The following SRGAP3 variants were observed in gnomAD, a reference collection of about 807,000 sequenced individuals.
SRGAP3 encodes the protein SLIT-ROBO Rho GTPase activating protein 3.
In SRGAP3, 39 loss-of-function variants were observed where a neutral mutation model predicts 121.1. The ratio of observed to expected loss-of-function variants is 0.32; its 90% confidence interval spans 0.25 to 0.42. The LOEUF is 0.42. SRGAP3 is among the 10% of genes least tolerant of loss of function. The pLI, the probability that SRGAP3 is intolerant of heterozygous loss-of-function variation, is 1.00. For missense variants in SRGAP3, 1,213 were observed against 1,470.6 expected (o/e 0.82, Z 2.86); for synonymous variants, 601 against 570.0 (o/e 1.05, Z -0.77).
At chr3:9,136,404 C>A (rs866601237) in intron 1 of SRGAP3, among the ~76,000 whole-genome samples, 13 of 127,046 alleles carry the variant, frequency 1.0e-4, no homozygotes, top group Non-Finnish European at 1.8e-4. Flanking sequence ...ACCCCCCCCC[C>A]CCCCGACCGC....
chr3:9,293,646 C>A (rs528798298), intron 3 of SRGAP3, among the ~76,000 whole-genome samples: 173 of 152,066 alleles, frequency 1.1e-3, no homozygotes, highest in Non-Finnish European at 1.9e-3. Context: ...CAAGAAAAAA[C>A]AAACAACCCC....
At chr3:9,302,062 T>C (rs776052253) in intron 3 of SRGAP3, among the ~76,000 whole-genome samples, 18 of 152,340 alleles carry the variant, frequency 1.2e-4, no homozygotes, top group Admixed American at 5.2e-4. Context: ...GTGCTTATCA[T>C]GTGCTTACAA....
At chr3:9,012,880 G>A (rs763902929) in intron 17 of SRGAP3, among the ~76,000 whole-genome samples, 22 of 152,158 alleles carry the variant, frequency 1.4e-4, no homozygotes, top group Non-Finnish European at 2.2e-4. Context: ...AAGAGAGTGA[G>A]TTACAGATCT....
In SRGAP3 at chr3:9,003,503, C is replaced by CAAACAAAA. The variant is rs1489636884; in HGVS notation, c.2227+6804_2227+6805insTTTTGTTT. On this transcript the variant is annotated intron_variant, in intron 18 of 21. Coordinates refer to ENST00000383836, the MANE Select transcript of SRGAP3 (RefSeq NM_014850.4). ...CAAAACAAACAAACAAACAAACAAA[C>CAAACAAAA]AAAAAAATCACTAGCGAGCCAAATG... Among the ~76,000 whole-genome samples the CAAACAAAA allele has an allele frequency of 1.3e-4, 19 of 151,594 alleles. No homozygotes were observed. In the East Asian group the frequency reaches 1.9e-3, roughly 15 times the overall value.
intron 1 of SRGAP3, among the ~76,000 whole-genome samples, chr3:9,168,883 G>A (rs1250549511): frequency 6.6e-6 from 1 of 152,218 alleles, no homozygotes; most frequent in African/African-American, 2.4e-5. Flanking sequence ...ACAGTGGTTA[G>A]GAGCATGAAC....
chr3:9,174,824 G>A (rs572499163), intron 1 of SRGAP3, among the ~76,000 whole-genome samples: 48 of 152,270 alleles, frequency 3.2e-4, no homozygotes, highest in Middle Eastern at 3.4e-3. Context: ...ATCAGTACTC[G>A]CAGCTGACAG....
At chr3:9,284,829 C>T (rs1954739401) in intron 3 of SRGAP3, among the ~76,000 whole-genome samples, 3 of 101,556 alleles carry the variant, frequency 3.0e-5, no homozygotes, top group African/African-American at 7.2e-5. Context: ...TGAGAGTCTG[C>T]CTCAAAAAAA....
At chr3:9,360,369 T>C (rs1385126698) in intron 1 of SRGAP3, among the ~76,000 whole-genome samples, 1 of 152,226 alleles carries the variant, frequency 6.6e-6, no homozygotes, top group Non-Finnish European at 1.5e-5. Context: ...AAATGCATTA[T>C]AACCCATCAG....
At chr3:9,022,045 C>A (rs929583089) in intron 14 of SRGAP3, among the ~76,000 whole-genome samples, 20 of 151,892 alleles carry the variant, frequency 1.3e-4, no homozygotes, top group African/African-American at 4.8e-4. Context: ...ACTAAATAAA[C>A]TGGCCAGGCG....
chr3:9,334,879 C>T (rs1203574406), intron 1 of SRGAP3, among the ~76,000 whole-genome samples: 2 of 152,204 alleles, frequency 1.3e-5, no homozygotes, highest in Admixed American at 6.5e-5. Context: ...TTAATACCAG[C>T]TGACCATGCA....
At chr3:9,229,036 T>G (rs1953103170) in intron 1 of SRGAP3, among the ~76,000 whole-genome samples, 1 of 134,110 alleles carries the variant, frequency 7.5e-6, no homozygotes, top group South Asian at 2.4e-4. Flanking sequence ...CAGTCCGCAG[T>G]CCGGCCTGGG....
rs1948528733 is a variant in SRGAP3, at chr3:9,109,222, C to T, written c.261-4380G>A. The stretch of plus-strand genomic sequence containing the variant: ...AAATTGTGCAAAATTATGGAAGCCA[C>T]AGCCAGAAGGTGAGTTTCAGAGGGA... On this transcript the variant is annotated intron_variant, in intron 2 of 21. Coordinates refer to ENST00000383836, the MANE Select transcript of SRGAP3 (RefSeq NM_014850.4). This position sits in a 1 kb window ranked among gnomAD's most constrained non-coding sequence, Gnocchi z 4.4. Among the ~76,000 whole-genome samples, 1 of 152,160 alleles carries T rather than the reference C, an allele frequency of 6.6e-6. No homozygotes were observed. The highest frequency in any genetic ancestry group is 2.1e-4 in the South Asian group (1 of 4,834).
chr3:9,198,801 C>T (rs1266308860), intron 1 of SRGAP3, among the ~76,000 whole-genome samples: 1 of 152,168 alleles, frequency 6.6e-6, no homozygotes, highest in Non-Finnish European at 1.5e-5. Flanking sequence ...TTCTAAAGGG[C>T]ATTCACATGT....
intron 3 of SRGAP3, 46 bp from the exon 4 acceptor site, chr3:9,080,133 C>G (rs1405080455): frequency 6.3e-7 from 1 of 1,597,592 alleles, no homozygotes; most frequent in Non-Finnish European, 8.6e-7. Flanking sequence ...AGTTTGCTGG[C>G]TACATTTACC....
chr3:9,206,074 T>C (rs1182637296), intron 1 of SRGAP3, among the ~76,000 whole-genome samples: 2 of 152,192 alleles, frequency 1.3e-5, no homozygotes, highest in East Asian at 3.8e-4. Context: ...ACAATGTGAA[T>C]GAACTCAATC....
In SRGAP3 at chr3:9,056,189, G is replaced by A. The variant is rs758136053; in HGVS notation, c.1125+44C>T. The A allele has an allele frequency of 6.9e-6, 11 of 1,595,978 alleles. No individual in the cohort carries two copies. The South Asian group carries it at 8.8e-5, about 13-fold the overall frequency. On this transcript the variant is annotated intron_variant, in intron 8 of 21. Coordinates refer to ENST00000383836, the MANE Select transcript of SRGAP3 (RefSeq NM_014850.4). ...AAGTGGACTCCCTGGGACAAGCCAGGCCTTCCAAAGAAAATCCCTTATAGG... is the reference window on the plus strand; with the variant it reads ...AAGTGGACTCCCTGGGACAAGCCAGACCTTCCAAAGAAAATCCCTTATAGG...
intron 3 of SRGAP3, among the ~76,000 whole-genome samples, chr3:9,311,775 C>T (rs1487191418): frequency 6.6e-6 from 1 of 152,116 alleles, no homozygotes; most frequent in Non-Finnish European, 1.5e-5. Flanking sequence ...TAAAGGGTTT[C>T]CTAAAATTAA....
chr3:9,122,293 G>A (rs1461014767), intron 2 of SRGAP3, among the ~76,000 whole-genome samples: 1 of 152,042 alleles, frequency 6.6e-6, no homozygotes. Context: ...TTTTACCTTT[G>A]TTGTTTGAAA....
intron 15 of SRGAP3, 88 bp downstream of exon 15, chr3:9,015,509 C>G (rs1379692133): frequency 6.4e-7 from 1 of 1,561,624 alleles, no homozygotes; most frequent in Non-Finnish European, 8.8e-7. Context: ...AATGTCCCTC[C>G]TCTATGCCTA....
Sources: allele counts gnomAD v4.1 joint callset (sites outside exome capture counted in the v4.1 genomes callset), GRCh38; gene constraint gnomAD v4.1.1; non-coding constraint Gnocchi (gnomAD v3.1); transcripts MANE v1.5; gene names NCBI Gene and HGNC (gene_info 2026-07-23, HGNC 2026-07-21).